The following WDR45B variants were observed in gnomAD, a reference collection of about 807,000 sequenced individuals.
The protein encoded by WDR45B is WD repeat domain phosphoinositide-interacting protein 3.
Under a neutral mutation model 44.6 loss-of-function variants are expected in WDR45B, and 20 were observed. That is an observed-to-expected ratio of 0.45 (90% CI 0.32 to 0.65). WDR45B has a LOEUF of 0.65. WDR45B is among the 30% of genes least tolerant of loss of function. The probability of loss-of-function intolerance (pLI) is 0.05; values close to 1 mark genes in which losing one functional copy is unlikely to be tolerated. For missense variants in WDR45B, 323 were observed against 430.2 expected (o/e 0.75, Z 2.20); for synonymous variants, 169 against 164.9 (o/e 1.02, Z -0.19).
chr17:82,644,349 C>A, intron 1 of WDR45B: 1 of 395,134 alleles, frequency 2.5e-6, no homozygotes, highest in Non-Finnish European at 4.8e-6. Flanking sequence ...TAGAGGAAAG[C>A]CACCAAGCAG....
At chr17:82,644,300 G>A (rs1027647912) in intron 1 of WDR45B, 4 of 496,212 alleles carry the variant, frequency 8.1e-6, no homozygotes, top group Non-Finnish European at 1.5e-5. Flanking sequence ...CATGGCCCAG[G>A]CTTGGAGGAC....
At chr17:82,632,162 C>G (rs568518703) in intron 2 of WDR45B, among the ~76,000 whole-genome samples, 6 of 152,046 alleles carry the variant, frequency 3.9e-5, no homozygotes, top group South Asian at 2.1e-4. Context: ...TGACTTTTAT[C>G]ATTTCCTTTT....
intron 7 of WDR45B, among the ~76,000 whole-genome samples, chr17:82,618,225 C>T (rs543654562): frequency 3.3e-5 from 5 of 152,340 alleles, no homozygotes; most frequent in South Asian, 2.1e-4. Flanking sequence ...CCACTGCGCC[C>T]GGCTATATTA....
At chr17:82,632,181 A>G (rs905452822) in intron 2 of WDR45B, among the ~76,000 whole-genome samples, 1 of 152,028 alleles carries the variant, frequency 6.6e-6, no homozygotes, top group Admixed American at 6.6e-5. Context: ...TTTTTTTAAG[A>G]AACAGGGTCT....
At chr17:82,646,925 G>A (rs999970160) in intron 1 of WDR45B, among the ~76,000 whole-genome samples, 1 of 152,146 alleles carries the variant, frequency 6.6e-6, no homozygotes, top group Non-Finnish European at 1.5e-5. Flanking sequence ...CACTGAGAGG[G>A]AGTTCTTTCA....
chr17:82,644,341 G>C, intron 1 of WDR45B: 1 of 409,796 alleles, frequency 2.4e-6, no homozygotes, highest in Admixed American at 3.6e-5. Flanking sequence ...GACACTTCTA[G>C]AGGAAAGCCA....
At chr17:82,640,894 A>G (rs2045905969) in intron 2 of WDR45B, among the ~76,000 whole-genome samples, 1 of 151,416 alleles carries the variant, frequency 6.6e-6, no homozygotes, top group African/African-American at 2.4e-5. Context: ...GACCGGGTAT[A>G]TGTGTGTGAT....
In WDR45B at chr17:82,625,639, C is replaced by T. The variant is rs143677652; in HGVS notation, c.333-156G>A. The T allele has an allele frequency of 5.4e-4, 416 of 770,658 alleles. No individual in the cohort carries two copies. In the African/African-American group the frequency reaches 6.3e-3, roughly 12 times the overall value. The allele number at this position is 770,658 out of a possible 1,614,324, so 47.7% of individuals were successfully genotyped here. A position where few individuals can be genotyped will look rare whatever the true frequency, so the allele number is the denominator to read the frequency against. On this transcript the variant is annotated intron_variant, in intron 4 of 9. Coordinates refer to ENST00000392325, the MANE Select transcript of WDR45B (RefSeq NM_019613.4). Reference sequence around the variant, plus strand: ...AAAAGCTCTGGAGGCAGGTAGCCAGCGCCAGGCCTGGAGCTCGGCGAGTGC... The same window carrying T: ...AAAAGCTCTGGAGGCAGGTAGCCAGTGCCAGGCCTGGAGCTCGGCGAGTGC...
At chr17:82,646,181 C>A (rs2045972722) in intron 1 of WDR45B, among the ~76,000 whole-genome samples, 1 of 149,964 alleles carries the variant, frequency 6.7e-6, no homozygotes. Context: ...AAATCACAAA[C>A]ATGATGTTGA....
At chr17:82,631,469 G>T (rs1222688038) in intron 2 of WDR45B, among the ~76,000 whole-genome samples, 1 of 148,808 alleles carries the variant, frequency 6.7e-6, no homozygotes, top group African/African-American at 2.5e-5. Flanking sequence ...ATTTTTAGTA[G>T]AGATGGGGTT....
chr17:82,620,798 A>T (rs2045604839), intron 6 of WDR45B, among the ~76,000 whole-genome samples: 1 of 152,232 alleles, frequency 6.6e-6, no homozygotes, highest in African/African-American at 2.4e-5. Context: ...AAATTATTTT[A>T]AAAAATTAAC....
In WDR45B at chr17:82,648,381, C is replaced by A. The variant is rs776107120; in HGVS notation, c.-41G>T. The A allele has an allele frequency of 2.9e-5, 46 of 1,595,304 alleles. No individual in the cohort carries two copies. The Middle Eastern group carries it at 6.6e-4, about 23-fold the overall frequency. On this transcript the variant is annotated 5_prime_UTR_variant, in exon 1 of 10. Transcript: ENST00000392325. ...GGTCGCCGCTCCTCAGCGCTGCATG[C>A]CTCTCGCTGGGGACGGCGGCCTGGT...
intron 4 of WDR45B, 104 bp from the exon 5 acceptor site, chr17:82,625,587 C>A (rs2045685115): frequency 1.7e-6 from 2 of 1,148,106 alleles, no homozygotes; most frequent in South Asian, 1.3e-5. Context: ...CTGAAAATAC[C>A]ACACAGAAAA....
chr17:82,645,757 TA>T (rs2045967559), intron 1 of WDR45B, among the ~76,000 whole-genome samples: 1 of 152,204 alleles, frequency 6.6e-6, no homozygotes, highest in South Asian at 2.1e-4. Context: ...AACTGGAACG[TA>T]CCCAAATGCC....
At chr17:82,636,109 A>G (rs1421460871) in intron 2 of WDR45B, among the ~76,000 whole-genome samples, 1 of 151,576 alleles carries the variant, frequency 6.6e-6, no homozygotes, top group Non-Finnish European at 1.5e-5. Flanking sequence ...CATAAATAAA[A>G]AATAAAAATA....
chr17:82,617,203 C>T (rs375129188), intron 8 of WDR45B, 93 bp downstream of exon 8: 7 of 1,155,542 alleles, frequency 6.1e-6, no homozygotes, highest in Non-Finnish European at 8.9e-6. Flanking sequence ...CCACACCACC[C>T]TGCTGGGGTG....
rs1005657194 is a variant in WDR45B at position 82,617,904 on chromosome 17, G to A, written c.705-507C>T. Reference sequence around the variant, plus strand: ...CCAGGACCTCACAGATAAAGCTGCCGTATTTATAAATTAATTACATTTTCT... The same window carrying A: ...CCAGGACCTCACAGATAAAGCTGCCATATTTATAAATTAATTACATTTTCT... On this transcript the variant is annotated intron_variant, in intron 7 of 9. Coordinates refer to ENST00000392325, the MANE Select transcript of WDR45B (RefSeq NM_019613.4). 2.6e-5 allele frequency among the ~76,000 whole-genome samples: 4 copies of A among 151,922 alleles called. 1 individual carries two copies. In the South Asian group the frequency reaches 8.3e-4, roughly 32 times the overall value.
intron 5 of WDR45B, among the ~76,000 whole-genome samples, chr17:82,624,182 A>G (rs567581126): frequency 6.6e-6 from 1 of 152,292 alleles, no homozygotes; most frequent in East Asian, 1.9e-4. Flanking sequence ...ACATACACAC[A>G]CACAGAGGAC....
rs1250351393 is a variant in WDR45B, at chr17:82,616,399, G to T, written c.928+125C>A. On this transcript the variant is annotated intron_variant, in intron 9 of 9. Coordinates refer to ENST00000392325, the MANE Select transcript of WDR45B (RefSeq NM_019613.4). ...ACTGAGCCCACAGGAGAAATAAGGG[G>T]AACTGGGCGGCCATCGGTGCCACAG... 2.0e-6 allele frequency: 3 copies of T among 1,473,186 alleles called. No homozygotes were observed. The African/African-American group carries it at 4.2e-5, about 20-fold the overall frequency. The allele number at this position is 1,473,186 out of a possible 1,614,324, so 91.3% of individuals were successfully genotyped here.
Sources: gnomAD v4.1 joint callset for allele counts (sites outside exome capture counted in the v4.1 genomes callset) on GRCh38, gnomAD v4.1.1 for gene constraint, MANE v1.5 for transcripts, NCBI Gene and HGNC (gene_info 2026-07-23, HGNC 2026-07-21) for gene names.